Variants in NOX5 observed in about 807,000 individuals in gnomAD.
NOX5 encodes NADPH oxidase, EF-hand calcium binding domain 5.
NOX5 carries 76 observed loss-of-function variants against 85.7 expected under a neutral mutation model. The ratio of observed to expected loss-of-function variants is 0.89; its 90% confidence interval spans 0.74 to 1.07. The LOEUF (loss-of-function observed/expected upper bound fraction) is 1.07. Among genes scored for constraint, NOX5 ranks in the 50% least tolerant of loss-of-function variants. The pLI, the probability that NOX5 is intolerant of heterozygous loss-of-function variation, is 0.00. For missense variants in NOX5, 973 were observed against 999.5 expected, an observed-to-expected ratio of 0.97 and a Z score of 0.36; for synonymous variants, 405 against 401.4, an observed-to-expected ratio of 1.01 and a Z score of -0.11.
In NOX5 at chr15:69,059,979, C is replaced by T. The variant is rs1001213615; in HGVS notation, c.*3283C>T. On this transcript the variant is annotated 3_prime_UTR_variant, in exon 16 of 16. Transcript: ENST00000388866. ...AGTGTAGACCAGATGTCGGTTCCTC[C>T]CAGGGCAAGGGGTTACTTAAATGGA... 1 of 152,192 alleles carries T rather than the reference C, an allele frequency of 6.6e-6. No individual in the cohort carries two copies. The highest frequency in any genetic ancestry group is 1.5e-5 in the Non-Finnish European group (1 of 68,040). The allele number at this position is 152,192 out of a possible 1,614,324, so 9.4% of individuals were successfully genotyped here.
In NOX5 at chr15:69,033,248, T is replaced by C; in HGVS notation, c.826T>C (p.Cys276Arg). 1 of 1,596,260 alleles carries C rather than the reference T, an allele frequency of 6.3e-7. No homozygotes were observed. Among genetic ancestry groups the C allele is most frequent in the Non-Finnish European group, 8.5e-7 (1 of 1,178,876 alleles). Reference sequence around the variant, plus strand: ...CATGGTGGCCAAGGGCTGCGGCCAGTGCCTCAACTTCGACTGCAGCTTCAT... The same window carrying C: ...CATGGTGGCCAAGGGCTGCGGCCAGCGCCTCAACTTCGACTGCAGCTTCAT... ...SVMVAKGCGQ[C>R]LNFDCSFIAV... Residue 276 changes from cysteine to arginine, a missense_variant, in exon 5 of 16, where the codon TGC becomes CGC. Coordinates refer to ENST00000388866, the MANE Select transcript of NOX5 (RefSeq NM_024505.4).
At chr15:69,052,561 G>A (rs957419080) in intron 14 of NOX5, among the ~76,000 whole-genome samples, 2 of 152,188 alleles carry the variant, frequency 1.3e-5, no homozygotes, top group African/African-American at 2.4e-5. Context: ...GAACTAGATC[G>A]TATTTGACTA....
intron 1 of NOX5, among the ~76,000 whole-genome samples, chr15:69,019,115 A>T (rs146102929): frequency 1.2e-4 from 18 of 152,264 alleles, no homozygotes; most frequent in Non-Finnish European, 2.1e-4. Flanking sequence ...CTCCTGCCTC[A>T]GCCTCCCAGT....
At chr15:69,045,457 T>A (rs1398621592) in intron 10 of NOX5, among the ~76,000 whole-genome samples, 2 of 151,878 alleles carry the variant, frequency 1.3e-5, no homozygotes, top group Non-Finnish European at 2.9e-5. Flanking sequence ...TGCTCCACAC[T>A]CTTACTCCTT....
chr15:69,056,668 G>A lies in NOX5; in HGVS notation c.2270G>A (p.Gly757Asp). The change falls in exon 16 of 16, where the codon GGC becomes GAC. Residue 757 changes from glycine (G) to aspartate (D), a missense_variant. By Grantham distance (94) the Gly-to-Asp change is moderately conservative. Transcript: ENST00000388866. ...CTGAAGGGCCATTGTGAGAAGTTCGGCTTCAGATTTTTCCAAGAGAATTTC... is the reference window on the plus strand; with the variant it reads ...CTGAAGGGCCATTGTGAGAAGTTCGACTTCAGATTTTTCCAAGAGAATTTC... ...KVLKGHCEKFGFRFFQENF is the reference protein window; with the variant it reads ...KVLKGHCEKFDFRFFQENF 6.2e-7 allele frequency: 1 copy of A among 1,613,794 alleles called. No individual in the cohort carries two copies. Among genetic ancestry groups the A allele is most frequent in the Non-Finnish European group, 8.5e-7 (1 of 1,180,034 alleles).
In NOX5 at chr15:69,056,756, A is replaced by G; in HGVS notation, c.*60A>G. 1 of 1,589,324 alleles carries G rather than the reference A, an allele frequency of 6.3e-7. No homozygotes were observed. The highest frequency in any genetic ancestry group is 2.2e-5 in the East Asian group (1 of 44,686). Reference sequence around the variant, plus strand: ...CATGGGTCTGCTTCATTGCATTAGTATAAATGCCCCCACAGGGACCAGCCT... The same window carrying G: ...CATGGGTCTGCTTCATTGCATTAGTGTAAATGCCCCCACAGGGACCAGCCT... On this transcript the variant is annotated 3_prime_UTR_variant, in exon 16 of 16. Coordinates refer to ENST00000388866, the MANE Select transcript of NOX5 (RefSeq NM_024505.4).
intron 3 of NOX5, chr15:69,029,055 A>T (rs981949146): frequency 6.6e-6 from 1 of 152,186 alleles, no homozygotes; most frequent in African/African-American, 2.4e-5. Context: ...AATTAAGTAC[A>T]TTCACATTGC....
In NOX5 at chr15:69,014,774, A is replaced by T. The variant is rs992006066; in HGVS notation, c.39A>T (p.Glu13Asp). Residue 13 changes from glutamate (E) to aspartate (D), a missense_variant, in exon 1 of 16, where the codon GAA becomes GAT. Transcript: ENST00000388866. ...TSGDPAQTGP[E>D]GCRGTMSAEE... is the part of the protein sequence containing the mutation. Reference sequence around the variant, plus strand: ...GAGACCCAGCCCAGACGGGCCCTGAAGGCTGTAGAGGGTGAGTGGCTCATT... The same window carrying T: ...GAGACCCAGCCCAGACGGGCCCTGATGGCTGTAGAGGGTGAGTGGCTCATT... The T allele has an allele frequency of 1.9e-6, 3 of 1,549,746 alleles. No homozygotes were observed. In the East Asian group the frequency reaches 7.3e-5, roughly 38 times the overall value.
chr15:69,019,219 G>A (rs936761056), intron 1 of NOX5, among the ~76,000 whole-genome samples: 7 of 152,092 alleles, frequency 4.6e-5, no homozygotes, highest in Non-Finnish European at 8.8e-5. Context: ...TCCTCCTCCC[G>A]ACTGGGATGG....
intron 1 of NOX5, chr15:69,023,495 G>T (rs2050319905): frequency 2.7e-6 from 1 of 369,144 alleles, no homozygotes; most frequent in Admixed American, 3.3e-5. Flanking sequence ...TAGAGCCAGG[G>T]TTGTCTTCTT....
intron 8 of NOX5, among the ~76,000 whole-genome samples, 183 bp from the exon 9 acceptor site, chr15:69,038,674 C>CTT (rs2140267013): frequency 6.6e-6 from 1 of 152,242 alleles, no homozygotes; most frequent in Non-Finnish European, 1.5e-5. Flanking sequence ...TTGTTGCCCA[C>CTT]TTCCAGATTG....
Position 69,038,993 on chromosome 15 carries a change from A to G in NOX5, c.1504+4A>G, listed in dbSNP as rs541253159. The stretch of plus-strand genomic sequence containing the variant: ...AGCAGTGCTCCTGAGCAGAAAGGTA[A>G]TGGCCACCTCCTCCAGTCACTCTGC... On this transcript the variant is annotated splice_donor_region_variant and intron_variant, in intron 9 of 15. Coordinates refer to ENST00000388866, the MANE Select transcript of NOX5 (RefSeq NM_024505.4). 2.8e-5 allele frequency: 45 copies of G among 1,613,950 alleles called. No homozygotes were observed. The highest frequency in any genetic ancestry group is 3.7e-5 in the Non-Finnish European group (44 of 1,180,018).
chr15:69,057,022 G>A lies in NOX5; in HGVS notation c.*326G>A, dbSNP rs896231073. 3 of 211,776 alleles carry A rather than the reference G, an allele frequency of 1.4e-5. No individual in the cohort carries two copies. Among genetic ancestry groups the A allele is most frequent in the African/African-American group, 2.3e-5 (1 of 43,678 alleles). The allele number at this position is 211,776 out of a possible 1,614,324, so 13.1% of individuals were successfully genotyped here. On this transcript the variant is annotated 3_prime_UTR_variant, in exon 16 of 16. Coordinates refer to ENST00000388866, the MANE Select transcript of NOX5 (RefSeq NM_024505.4). Reference sequence around the variant, plus strand: ...GCAACCACTCCTCCAAACATTTTCCGACGGAGCCTTCCCCCACATCCATGG... The same window carrying A: ...GCAACCACTCCTCCAAACATTTTCCAACGGAGCCTTCCCCCACATCCATGG...
Position 69,062,725 on chromosome 15 carries a change from C to A in NOX5, c.*6029C>A, listed in dbSNP as rs1380603911. 2 of 152,272 alleles carry A rather than the reference C, an allele frequency of 1.3e-5. No homozygotes were observed. The highest frequency in any genetic ancestry group is 1.3e-4 in the Admixed American group (2 of 15,280). 9.4% of individuals were successfully genotyped at this position (152,272 alleles called of 1,614,324 possible). ...AGACTTCCTTGCTGGTCCCTCCCATCGCAGAATAAACAGCCTGCTCCGTAG... is the reference window on the plus strand; with the variant it reads ...AGACTTCCTTGCTGGTCCCTCCCATAGCAGAATAAACAGCCTGCTCCGTAG... On this transcript the variant is annotated 3_prime_UTR_variant, in exon 16 of 16. Coordinates refer to ENST00000388866, the MANE Select transcript of NOX5 (RefSeq NM_024505.4).
At chr15:69,033,324 C>T in intron 5 of NOX5, 47 bp downstream of exon 5, 1 of 1,565,194 alleles carries the variant, frequency 6.4e-7, no homozygotes, top group Non-Finnish European at 8.6e-7. Context: ...AATTAGGAGC[C>T]GAGGTGGGCT....
At position 69,035,495 on chromosome 15, in the gene NOX5, A is replaced by C; in HGVS notation, c.997A>C (p.Thr333Pro). Residue 333 changes from threonine (T) to proline (P), a missense_variant, in exon 6 of 16, where the codon ACT becomes CCT. Transcript: ENST00000388866. ...GLSLVHTVAHTVNFVLQAQAE... is the reference protein window; with the variant it reads ...GLSLVHTVAHPVNFVLQAQAE... The stretch of plus-strand genomic sequence containing the variant: ...GTCCCTCGTGCACACCGTGGCTCAC[A>C]CTGTGAACTTTGGTGAGTGATCTGG... The C allele has an allele frequency of 6.2e-7, 1 of 1,614,134 alleles. No homozygotes were observed.
In NOX5 at chr15:69,031,610, T is replaced by C; in HGVS notation, c.418T>C (p.Ser140Pro). ...ATCCCCACTCGGGACAGGCAGTGGC[T>C]CCATTGACCCGGATGAGCTGCGCAC... Reference protein sequence around the residue: ...ASSPLGTGSGSIDPDELRTVL... With the variant: ...ASSPLGTGSGPIDPDELRTVL... Residue 140 changes from serine to proline, a missense_variant, in exon 4 of 16, where the codon TCC becomes CCC. By Grantham distance (74) the Ser-to-Pro change is moderately conservative. Transcript: ENST00000388866. The C allele has an allele frequency of 6.2e-7, 1 of 1,613,376 alleles. No individual in the cohort carries two copies.
intron 1 of NOX5, among the ~76,000 whole-genome samples, chr15:69,017,271 C>T (rs2050242728): frequency 6.6e-6 from 1 of 152,096 alleles, no homozygotes; most frequent in South Asian, 2.1e-4. Flanking sequence ...CATGCCTCAG[C>T]CTCCCAAGTA....
Position 69,031,562 on chromosome 15 carries a change from G to A in NOX5, c.370G>A (p.Gly124Arg). 1 of 1,612,256 alleles carries A rather than the reference G, an allele frequency of 6.2e-7. No homozygotes were observed. The highest frequency in any genetic ancestry group is 1.1e-5 in the South Asian group (1 of 91,078). The change falls in exon 4 of 16, where the codon GGG becomes AGG. Residue 124 changes from glycine (G) to arginine (R), a missense_variant. Transcript: ENST00000388866. The part of the protein sequence containing the change: ...GASAGTEWGA[G>R]AGPHWASSPL... The stretch of plus-strand genomic sequence containing the variant: ...GTCTGCAGGTACAGAGTGGGGTGCT[G>A]GGGCAGGCCCGCACTGGGCTTCATC...
Sources: allele counts gnomAD v4.1 joint callset (sites outside exome capture counted in the v4.1 genomes callset), GRCh38; gene constraint gnomAD v4.1.1; transcripts MANE v1.5; gene names NCBI Gene and HGNC (gene_info 2026-07-23, HGNC 2026-07-21).